EHHADH: variants seen among roughly 807,000 people sequenced by gnomAD.
The protein encoded by EHHADH is peroxisomal bifunctional enzyme.
A neutral mutation model predicts 64.4 loss-of-function variants in EHHADH; 48 were observed. The observed-to-expected ratio is 0.75, with a 90% CI of 0.59 to 0.95. The LOEUF (loss-of-function observed/expected upper bound fraction) is 0.95, where lower values mean the gene tolerates loss of function less well. EHHADH is among the 40% of genes least tolerant of loss of function. EHHADH has a pLI of 0.00. For missense variants in EHHADH, 854 were observed against 876.6 expected (o/e 0.97, Z 0.33); for synonymous variants, 308 against 326.7 (o/e 0.94, Z 0.62).
At chr3:185,250,767 C>T (rs1160152122) in intron 1 of EHHADH, among the ~76,000 whole-genome samples, 1 of 152,132 alleles carries the variant, frequency 6.6e-6, no homozygotes, top group African/African-American at 2.4e-5. Flanking sequence ...CAGACAAAAC[C>T]TCTTGGCTTC....
intron 3 of EHHADH, among the ~76,000 whole-genome samples, chr3:185,232,864 T>G (rs939753971): frequency 8.5e-5 from 13 of 152,160 alleles, no homozygotes; most frequent in African/African-American, 2.9e-4. Flanking sequence ...CAACTGTCAA[T>G]CAAGAATTCT....
chr3:185,207,544 T>C (rs1364723075), intron 5 of EHHADH, among the ~76,000 whole-genome samples: 1 of 152,152 alleles, frequency 6.6e-6, no homozygotes, highest in Non-Finnish European at 1.5e-5. Flanking sequence ...GATTGACCTT[T>C]AAGGTTTACA....
intron 1 of EHHADH, 98 bp from the exon 2 acceptor site, chr3:185,248,615 C>T (rs1228256027): frequency 5.0e-6 from 4 of 792,206 alleles, no homozygotes; most frequent in Admixed American, 2.5e-5. Context: ...TAAACACACA[C>T]ATAATGGATA....
chr3:185,247,014 C>T (rs1014176549), intron 2 of EHHADH, among the ~76,000 whole-genome samples: 1 of 152,080 alleles, frequency 6.6e-6, no homozygotes, highest in African/African-American at 2.4e-5. Context: ...AAATTAACTT[C>T]CAAACATATG....
Position 185,205,626 on chromosome 3 carries a change from G to A in EHHADH, c.569-869C>T, listed in dbSNP as rs116605425. ...AATTTTTATTTTAAAACAAAGAATC[G>A]GAGCAACATTAACAACAGAAAATCC... is the stretch of plus-strand genomic sequence containing the variant. On this transcript the variant is annotated intron_variant, in intron 5 of 6. Coordinates refer to ENST00000231887, the MANE Select transcript of EHHADH (RefSeq NM_001966.4). Among the ~76,000 whole-genome samples, 964 of 151,936 alleles carry A rather than the reference G, an allele frequency of 6.3e-3. 7 individuals are homozygous for A. Among genetic ancestry groups the A allele is most frequent in the African/African-American group, 0.022 (912 of 41,438 alleles).
At chr3:185,238,100 A>C (rs932274224) in intron 2 of EHHADH, among the ~76,000 whole-genome samples, 1 of 152,130 alleles carries the variant, frequency 6.6e-6, no homozygotes, top group African/African-American at 2.4e-5. Context: ...GGAAAGACGT[A>C]ATTTCATTCT....
At position 185,245,381 on chromosome 3, in the gene EHHADH, C is replaced by G. The variant is rs186083621; in HGVS notation, c.178+3033G>C. Reference sequence around the variant, plus strand: ...CAGCTTTTTTATCTTGCTTTTAATACAATGGTATATCCACTCTGATGGCAA... The same window carrying G: ...CAGCTTTTTTATCTTGCTTTTAATAGAATGGTATATCCACTCTGATGGCAA... On this transcript the variant is annotated intron_variant, in intron 2 of 6. Coordinates refer to ENST00000231887, the MANE Select transcript of EHHADH (RefSeq NM_001966.4). 2.3e-3 allele frequency: 1,011 copies of G among 448,952 alleles called. 10 individuals are homozygous for G. The highest frequency in any genetic ancestry group is 9.3e-4 in the Non-Finnish European group (244 of 261,002). 27.8% of individuals were successfully genotyped at this position (448,952 alleles called of 1,614,324 possible). A position where few individuals can be genotyped will look rare whatever the true frequency, so the allele number is the denominator to read the frequency against.
chr3:185,242,232 A>G (rs1445301226), intron 2 of EHHADH, among the ~76,000 whole-genome samples: 1 of 152,208 alleles, frequency 6.6e-6, no homozygotes, highest in African/African-American at 2.4e-5. Flanking sequence ...TGTGAAAATG[A>G]CCACGCTGCC....
In EHHADH at chr3:185,201,849, G is replaced by A. The variant is rs571824874; in HGVS notation, c.910+2567C>T. Among the ~76,000 whole-genome samples, 6 of 152,322 alleles carry A rather than the reference G, an allele frequency of 3.9e-5. No individual in the cohort carries two copies. In the South Asian group the frequency reaches 8.3e-4, roughly 21 times the overall value. ...CGGGAAATCCTCTCAAACAGTGGTT[G>A]ACAAACACAATACTGATACACTTAC... On this transcript the variant is annotated intron_variant, in intron 6 of 6. Transcript: ENST00000231887.
intron 2 of EHHADH, among the ~76,000 whole-genome samples, chr3:185,242,400 C>T (rs889005022): frequency 6.6e-6 from 1 of 152,152 alleles, no homozygotes; most frequent in Admixed American, 6.5e-5. Context: ...AGGCATCACA[C>T]TACCTGATTT....
intron 4 of EHHADH, 50 bp downstream of exon 4, chr3:185,229,382 T>C: frequency 8.3e-7 from 1 of 1,205,450 alleles, no homozygotes. Context: ...TAAATCCTAG[T>C]CCAATTCTTC....
chr3:185,244,169 A>G (rs539208729), intron 2 of EHHADH, among the ~76,000 whole-genome samples: 1 of 152,274 alleles, frequency 6.6e-6, no homozygotes, highest in South Asian at 2.1e-4. Context: ...TATAGCTACT[A>G]CTGCTCATTT....
At chr3:185,217,620 T>C (rs577863789) in intron 5 of EHHADH, among the ~76,000 whole-genome samples, 2 of 151,578 alleles carry the variant, frequency 1.3e-5, no homozygotes, top group Non-Finnish European at 2.9e-5. Context: ...GACGTGCCTA[T>C]TCCTGCTTCA....
At position 185,204,682 on chromosome 3, in the gene EHHADH, TC is replaced by T. The variant is rs753393023; in HGVS notation, c.643del (p.Glu215ArgfsTer4). The T allele has an allele frequency of 4.6e-5, 74 of 1,614,210 alleles. 2 individuals carry two copies. The South Asian group carries it at 7.9e-4, about 17-fold the overall frequency. On this transcript the variant is annotated frameshift_variant, in exon 6 of 7. Transcript: ENST00000231887. LOFTEE classifies it high-confidence loss of function. ...SLPNMDSIFS[E>X]ALLKMRRQHP... ...CTGCCTCCGCATCTTCAAGAGGGCCTCACTAAAAATGCTGTCCATGTTGGGC... is the reference window on the plus strand; with the variant it reads ...CTGCCTCCGCATCTTCAAGAGGGCCTACTAAAAATGCTGTCCATGTTGGGC...
In EHHADH at chr3:185,247,589, A is replaced by G. The variant is rs541523326; in HGVS notation, c.178+825T>C. 1.3e-4 allele frequency among the ~76,000 whole-genome samples: 20 copies of G among 152,250 alleles called. No individual in the cohort carries two copies. In the East Asian group the frequency reaches 3.9e-3, roughly 29 times the overall value. On this transcript the variant is annotated intron_variant, in intron 2 of 6. Transcript: ENST00000231887. ...TAAATAACCTACATGGTACTGGCAT[A>G]TAACAGGCAAGATAAATGGTAATAT...
At position 185,202,435 on chromosome 3, in the gene EHHADH, C is replaced by G. The variant is rs779981917; in HGVS notation, c.910+1981G>C. On this transcript the variant is annotated intron_variant, in intron 6 of 6. Transcript: ENST00000231887. ...AATGTATTTATATTAGAGACAGATT[C>G]TTTGATACCAAAGTTGAATTGAGAG... is the stretch of plus-strand genomic sequence containing the variant. 1.9e-4 allele frequency among the ~76,000 whole-genome samples: 29 copies of G among 151,812 alleles called. 1 individual carries two copies. Among genetic ancestry groups the G allele is most frequent in the African/African-American group, 4.8e-4 (20 of 41,410 alleles).
At chr3:185,250,917 C>T (rs1719727673) in intron 1 of EHHADH, among the ~76,000 whole-genome samples, 2 of 152,142 alleles carry the variant, frequency 1.3e-5, no homozygotes, top group Admixed American at 1.3e-4. Context: ...TCAATCAGTG[C>T]CACTGAGGAG....
intron 6 of EHHADH, among the ~76,000 whole-genome samples, chr3:185,199,324 C>A (rs993805466): frequency 1.3e-5 from 2 of 152,242 alleles, no homozygotes; most frequent in African/African-American, 4.8e-5. Context: ...GAAGACTGTA[C>A]TTTCTAGATC....
intron 2 of EHHADH, chr3:185,246,454 A>T (rs1278237430): frequency 1.3e-5 from 6 of 446,630 alleles, no homozygotes; most frequent in Non-Finnish European, 2.2e-5. Flanking sequence ...ATGCGATTCC[A>T]GTGGGCTCCG....
Sources: allele counts gnomAD v4.1 joint callset (sites outside exome capture counted in the v4.1 genomes callset), GRCh38; gene constraint gnomAD v4.1.1; transcripts MANE v1.5; gene names NCBI Gene and HGNC (gene_info 2026-07-23, HGNC 2026-07-21).